Variants in PRKG1 observed in about 807,000 individuals in gnomAD.
PRKG1 encodes the protein protein kinase cGMP-dependent 1.
In PRKG1, 35 loss-of-function variants were observed where a neutral mutation model predicts 88.1. The observed-to-expected ratio is 0.40, with a 90% CI of 0.30 to 0.53. PRKG1 has a LOEUF of 0.53. PRKG1 is among the 20% of genes least tolerant of loss of function. The pLI is 0.59. For missense variants in PRKG1, 540 were observed against 839.8 expected (o/e 0.64, Z 4.41); for synonymous variants, 303 against 292.5 (o/e 1.04, Z -0.37).
intron 1 of PRKG1, among the ~76,000 whole-genome samples, chr10:51,004,410 GA>G (rs1283647741): frequency 6.6e-6 from 1 of 152,194 alleles, no homozygotes; most frequent in African/African-American, 2.4e-5. Flanking sequence ...AGTGAGCCAA[GA>G]TTGTGCCATT....
At chr10:52,057,719 C>T (rs146355959) in intron 6 of PRKG1, among the ~76,000 whole-genome samples, 2,034 of 152,176 alleles carry the variant, frequency 0.013, 23 homozygotes, top group Non-Finnish European at 0.021. Context: ...AATCACATGG[C>T]TTTGCTTCAT....
chr10:51,821,156 G>A (rs1839734539), intron 4 of PRKG1, among the ~76,000 whole-genome samples: 1 of 152,140 alleles, frequency 6.6e-6, no homozygotes, highest in East Asian at 1.9e-4. Context: ...GTCTAGAAGA[G>A]TCATACCTTT....
chr10:52,081,527 A>G (rs1401329282), intron 7 of PRKG1: 2 of 453,300 alleles, frequency 4.4e-6, no homozygotes, highest in Non-Finnish European at 8.9e-6. Flanking sequence ...TAGGAATTCT[A>G]TAACATATCT....
chr10:51,965,394 C>G (rs1843543499), intron 5 of PRKG1, among the ~76,000 whole-genome samples: 1 of 152,120 alleles, frequency 6.6e-6, no homozygotes, highest in African/African-American at 2.4e-5. Flanking sequence ...CCATCCATGG[C>G]CCTGCAAAGG....
chr10:51,740,848 C>T (rs1223692122), intron 3 of PRKG1, among the ~76,000 whole-genome samples: 1 of 151,792 alleles, frequency 6.6e-6, no homozygotes, highest in Non-Finnish European at 1.5e-5. Context: ...TGGAATTTCG[C>T]TCTGAGGCTC....
intron 1 of PRKG1, among the ~76,000 whole-genome samples, chr10:50,998,389 ATAT>A (rs1842856359): frequency 6.6e-6 from 1 of 152,204 alleles, no homozygotes; most frequent in African/African-American, 2.4e-5. Context: ...GATGTCTCAG[ATAT>A]TATATAATTT....
chr10:51,322,536 G>A (rs549507880), intron 2 of PRKG1, among the ~76,000 whole-genome samples: 3 of 152,288 alleles, frequency 2.0e-5, no homozygotes, highest in South Asian at 4.1e-4. Context: ...CAGACAGAAC[G>A]AGATAATAGT....
intron 2 of PRKG1, among the ~76,000 whole-genome samples, chr10:51,264,484 T>G (rs1034679051): frequency 4.5e-4 from 68 of 152,188 alleles, no homozygotes; most frequent in African/African-American, 1.5e-3. Context: ...GGAAGTACAA[T>G]GTGAAAAATA....
chr10:52,087,312 T>C lies in PRKG1; in HGVS notation c.935+24681T>C, dbSNP rs564295826. On this transcript the variant is annotated intron_variant, in intron 7 of 17. Coordinates refer to ENST00000373980, the MANE Select transcript of PRKG1 (RefSeq NM_006258.4). ...GAATGAAATTGATAATTTAAAAATATATTTTGTTAATTCCTTGGTCATGAT... is the reference window on the plus strand; with the variant it reads ...GAATGAAATTGATAATTTAAAAATACATTTTGTTAATTCCTTGGTCATGAT... Among the ~76,000 whole-genome samples the C allele has an allele frequency of 3.9e-5, 6 of 152,316 alleles. 1 individual carries two copies. The highest frequency in any genetic ancestry group is 1.4e-4 in the African/African-American group (6 of 41,578).
intron 1 of PRKG1, among the ~76,000 whole-genome samples, chr10:51,129,320 A>G (rs1359277680): frequency 6.6e-6 from 1 of 151,906 alleles, no homozygotes; most frequent in East Asian, 1.9e-4. Flanking sequence ...TACTAAAACT[A>G]TGTAATCCCA....
At chr10:51,498,815 A>G (rs1032265670) in intron 3 of PRKG1, among the ~76,000 whole-genome samples, 1 of 152,100 alleles carries the variant, frequency 6.6e-6, no homozygotes, top group Non-Finnish European at 1.5e-5. Flanking sequence ...GCATTACAGC[A>G]GTAGATGGTT....
intron 3 of PRKG1, among the ~76,000 whole-genome samples, chr10:51,523,843 T>C (rs184373018): frequency 6.6e-6 from 1 of 152,236 alleles, no homozygotes; most frequent in East Asian, 1.9e-4. Flanking sequence ...TTCCATAGTT[T>C]AAACATTTAT....
At chr10:52,015,336 G>A (rs1480114262) in intron 5 of PRKG1, among the ~76,000 whole-genome samples, 1 of 152,198 alleles carries the variant, frequency 6.6e-6, no homozygotes, top group African/African-American at 2.4e-5. Flanking sequence ...TAAAGCAATA[G>A]CCTGAGCTGT....
chr10:52,193,563 C>CAAAAAAAAAAAAAAAAAA (rs67349420), intron 9 of PRKG1, among the ~76,000 whole-genome samples: 6 of 118,506 alleles, frequency 5.1e-5, no homozygotes, highest in African/African-American at 1.7e-4. Context: ...AAAAAAAAAA[C>CAAAAAAAAAAAAAAAAAA]AAAAAAAAAA....
intron 1 of PRKG1, among the ~76,000 whole-genome samples, chr10:51,007,497 C>A (rs986699363): frequency 1.3e-5 from 2 of 152,166 alleles, no homozygotes; most frequent in African/African-American, 4.8e-5. Context: ...CTACAGGAAA[C>A]CTTCTGGTAT....
chr10:51,210,792 A>G (rs1231180433), intron 2 of PRKG1, among the ~76,000 whole-genome samples: 1 of 152,232 alleles, frequency 6.6e-6, no homozygotes, highest in Non-Finnish European at 1.5e-5. Context: ...GAATAGACCA[A>G]TAACAGGTCT....
At chr10:51,146,403 C>T (rs1845950177) in intron 1 of PRKG1, among the ~76,000 whole-genome samples, 1 of 150,316 alleles carries the variant, frequency 6.7e-6, no homozygotes, top group Non-Finnish European at 1.5e-5. Flanking sequence ...TTATTCAGAT[C>T]ACATGCCCAT....
rs545841052 is a variant in PRKG1, at chr10:52,131,768, G to A, written c.936-2072G>A. ...ACCTGGGAGACGGAGGTTGCAGTGA[G>A]CCGAGTGCTACTGCACTCCAGCGTG... is the stretch of plus-strand genomic sequence containing the variant. On this transcript the variant is annotated intron_variant, in intron 7 of 17. Coordinates refer to ENST00000373980, the MANE Select transcript of PRKG1 (RefSeq NM_006258.4). 3.0e-5 allele frequency among the ~76,000 whole-genome samples: 4 copies of A among 132,990 alleles called. No homozygotes were observed. The East Asian group carries it at 7.0e-4, about 23-fold the overall frequency. 87.2% of individuals were successfully genotyped at this position (132,990 alleles called of 152,430 possible).
intron 2 of PRKG1, among the ~76,000 whole-genome samples, chr10:51,177,946 A>T (rs892272342): frequency 6.6e-6 from 1 of 152,086 alleles, no homozygotes; most frequent in African/African-American, 2.4e-5. Flanking sequence ...ACTGTGTAAG[A>T]AAAGTAAAAA....
Sources: allele counts gnomAD v4.1 joint callset (sites outside exome capture counted in the v4.1 genomes callset), GRCh38; gene constraint gnomAD v4.1.1; transcripts MANE v1.5; gene names NCBI Gene and HGNC (gene_info 2026-07-23, HGNC 2026-07-21).